DDC: variants seen among roughly 807,000 people sequenced by gnomAD.
DDC encodes dopa decarboxylase.
DDC carries 43 observed loss-of-function variants against 60.0 expected under a neutral mutation model. The ratio of observed to expected loss-of-function variants is 0.72; its 90% CI spans 0.56 to 0.92. The LOEUF is 0.92. Ranked by LOEUF, DDC falls within the 40% of genes least tolerant of loss-of-function variation. The probability of loss-of-function intolerance (pLI) is 0.00; values close to 1 mark genes in which losing one functional copy is unlikely to be tolerated. For missense variants in DDC, 573 were observed against 620.2 expected (o/e 0.92, Z 0.81); for synonymous variants, 232 against 234.6 (o/e 0.99, Z 0.10).
chr7:50,536,029 T>C (rs910204886), intron 4 of DDC, among the ~76,000 whole-genome samples: 1 of 152,180 alleles, frequency 6.6e-6, no homozygotes, highest in Non-Finnish European at 1.5e-5. Flanking sequence ...GGGAACTGCT[T>C]AGGCCAAACC....
At chr7:50,485,206 T>A (rs1298520393) in intron 9 of DDC, among the ~76,000 whole-genome samples, 1 of 152,216 alleles carries the variant, frequency 6.6e-6, no homozygotes, top group East Asian at 1.9e-4. Flanking sequence ...TGAGTCTTTC[T>A]TTGGAGATCT....
chr7:50,467,344 T>C, intron 12 of DDC, 29 bp from the exon 13 acceptor site: 1 of 1,577,380 alleles, frequency 6.3e-7, no homozygotes, highest in Non-Finnish European at 8.7e-7. Flanking sequence ...AAATCTGTTT[T>C]TCTCATGGCC....
intron 6 of DDC, among the ~76,000 whole-genome samples, chr7:50,507,364 A>G (rs1207267684): frequency 6.6e-6 from 1 of 152,026 alleles, no homozygotes; most frequent in African/African-American, 2.4e-5. Flanking sequence ...CAGTCTCCCG[A>G]GTAGCTGGGA....
chr7:50,486,961 C>G (rs774391601), intron 9 of DDC, among the ~76,000 whole-genome samples: 1 of 152,132 alleles, frequency 6.6e-6, no homozygotes, highest in Non-Finnish European at 1.5e-5. Context: ...TGCTCCTTTT[C>G]TCTTGCAACA....
chr7:50,482,919 G>T (rs2042801019), intron 9 of DDC, among the ~76,000 whole-genome samples: 1 of 151,924 alleles, frequency 6.6e-6, no homozygotes, highest in African/African-American at 2.4e-5. Flanking sequence ...ATACTTTGAG[G>T]ATTCTCTTTT....
Position 50,540,024 on chromosome 7 carries a change from G to A in DDC, c.206C>T (p.Thr69Met), listed in dbSNP as rs777956037. The A allele has an allele frequency of 1.4e-5, 23 of 1,611,738 alleles. No homozygotes were observed. The highest frequency in any genetic ancestry group is 7.7e-5 in the South Asian group (7 of 90,752). ...GAAGAAGTAGGGGCTGTGCCAGTGC[G>A]TCACCTGCATGGGAGGACAGAGCAG... ...DVEKIIMPGV[T>M]HWHSPYFFAY... The change falls in exon 3 of 15, where the codon ACG becomes ATG. Residue 69 changes from threonine (T) to methionine (M), a missense_variant. Coordinates refer to ENST00000444124, the MANE Select transcript of DDC (RefSeq NM_001082971.2).
intron 7 of DDC, among the ~76,000 whole-genome samples, chr7:50,502,692 C>T (rs555869526): frequency 5.9e-5 from 9 of 152,340 alleles, no homozygotes; most frequent in African/African-American, 2.2e-4. Flanking sequence ...CCTGTGAGAG[C>T]GGGTAAGTCT....
intron 9 of DDC, among the ~76,000 whole-genome samples, chr7:50,486,302 C>T (rs543202036): frequency 2.0e-5 from 3 of 152,284 alleles, no homozygotes; most frequent in African/African-American, 2.4e-5. Flanking sequence ...TGCATACTAT[C>T]AGATACAGCA....
At chr7:50,545,411 T>TA (rs1207586561) in intron 1 of DDC, among the ~76,000 whole-genome samples, 8 of 152,236 alleles carry the variant, frequency 5.3e-5, no homozygotes, top group Admixed American at 5.2e-4. Context: ...AAGATAAGCC[T>TA]AAAATCCCAC....
At chr7:50,471,921 CT>C (rs1382108610) in intron 11 of DDC, among the ~76,000 whole-genome samples, 1 of 152,198 alleles carries the variant, frequency 6.6e-6, no homozygotes, top group Non-Finnish European at 1.5e-5. Flanking sequence ...CATTCCTCGA[CT>C]GGTCAACTTC....
At chr7:50,500,080 C>T (rs749207750) in intron 7 of DDC, among the ~76,000 whole-genome samples, 1 of 152,108 alleles carries the variant, frequency 6.6e-6, no homozygotes, top group Non-Finnish European at 1.5e-5. Flanking sequence ...GCCTCTCAGC[C>T]CTAGGCACCC....
At chr7:50,530,366 A>G (rs1276568399) in intron 4 of DDC, among the ~76,000 whole-genome samples, 1 of 152,142 alleles carries the variant, frequency 6.6e-6, no homozygotes, top group Non-Finnish European at 1.5e-5. Flanking sequence ...CAAGCCCAGG[A>G]GAGAGGCCCC....
chr7:50,538,891 G>A (rs146973124), intron 3 of DDC, among the ~76,000 whole-genome samples: 53 of 151,690 alleles, frequency 3.5e-4, no homozygotes, highest in African/African-American at 1.2e-3. Flanking sequence ...AGCAGAGAGG[G>A]AGGCCCCAGT....
At position 50,527,545 on chromosome 7, in the gene DDC, G is replaced by A. The variant is rs11575348; in HGVS notation, c.714+592C>T. The A allele has an allele frequency of 4.1e-3, 631 of 152,258 alleles. 2 individuals are homozygous for A. Among genetic ancestry groups the A allele is most frequent in the Middle Eastern group, 6.8e-3 (2 of 294 alleles). 9.4% of individuals were successfully genotyped at this position (152,258 alleles called of 1,614,324 possible). A position where few individuals can be genotyped will look rare whatever the true frequency, so the allele number is the denominator to read the frequency against. ...TTTATTTGTTTGACAAATATTTATCGAGCTTCTGTTCAGTGCCAGGCACTG... is the reference window on the plus strand; with the variant it reads ...TTTATTTGTTTGACAAATATTTATCAAGCTTCTGTTCAGTGCCAGGCACTG... On this transcript the variant is annotated intron_variant, in intron 6 of 14. Transcript: ENST00000444124.
At chr7:50,492,512 G>T in intron 9 of DDC, 1 of 186,370 alleles carries the variant, frequency 5.4e-6, no homozygotes, top group Non-Finnish European at 1.1e-5. Flanking sequence ...AGCCTTTCAA[G>T]CCCATAGGAA....
At chr7:50,516,200 T>C (rs1251922298) in intron 6 of DDC, among the ~76,000 whole-genome samples, 2 of 152,094 alleles carry the variant, frequency 1.3e-5, no homozygotes, top group Non-Finnish European at 2.9e-5. Context: ...TCAATAAACT[T>C]AAGAAAACTG....
Position 50,467,180 on chromosome 7 carries a change from C to T in DDC, c.1242+34G>A, listed in dbSNP as rs763479856. 5 of 1,554,442 alleles carry T rather than the reference C, an allele frequency of 3.2e-6. No homozygotes were observed. In the African/African-American group the frequency reaches 5.4e-5, roughly 17 times the overall value. On this transcript the variant is annotated intron_variant, in intron 13 of 14. Coordinates refer to ENST00000444124, the MANE Select transcript of DDC (RefSeq NM_001082971.2). ...AACACTTTCCCCTCTGTCACATTCACAGAAAATGAAGAATGGAATAGATGT... is the reference window on the plus strand; with the variant it reads ...AACACTTTCCCCTCTGTCACATTCATAGAAAATGAAGAATGGAATAGATGT...
At chr7:50,483,174 T>C (rs1282388811) in intron 9 of DDC, among the ~76,000 whole-genome samples, 1 of 152,194 alleles carries the variant, frequency 6.6e-6, no homozygotes, top group East Asian at 1.9e-4. Flanking sequence ...GATTAAGAAG[T>C]TCTCTGCTGT....
intron 6 of DDC, among the ~76,000 whole-genome samples, chr7:50,505,740 A>C (rs553084151): frequency 6.6e-6 from 1 of 152,200 alleles, no homozygotes; most frequent in Admixed American, 6.5e-5. Context: ...AGAGTTTTCC[A>C]TGCCAAACCC....
Sources: allele counts gnomAD v4.1 joint callset (sites outside exome capture counted in the v4.1 genomes callset), GRCh38; gene constraint gnomAD v4.1.1; transcripts MANE v1.5; gene names NCBI Gene and HGNC (gene_info 2026-07-23, HGNC 2026-07-21).